RARB: variants seen among roughly 807,000 people sequenced by gnomAD.
The protein encoded by RARB is retinoic acid receptor beta, also known as HBV-activated protein.
A neutral mutation model predicts 51.9 loss-of-function variants in RARB; 17 were observed. The ratio of observed to expected loss-of-function variants is 0.33; its 90% CI spans 0.22 to 0.49. RARB has a LOEUF of 0.49. Ranked by LOEUF, RARB falls within the 20% of genes least tolerant of loss-of-function variation. The pLI, the probability that RARB is intolerant of heterozygous loss-of-function variation, is 0.99. For missense variants in RARB, 369 were observed against 550.8 expected, an observed-to-expected ratio of 0.67 and a Z score of 3.30; for synonymous variants, 215 against 195.4, an observed-to-expected ratio of 1.10 and a Z score of -0.84.
intron 1 of RARB, among the ~76,000 whole-genome samples, chr3:25,447,744 G>C (rs1273713733): frequency 6.6e-6 from 1 of 152,160 alleles, no homozygotes; most frequent in Non-Finnish European, 1.5e-5. Context: ...ATTAATGCCT[G>C]TGGGCCTGGG....
At chr3:25,062,239 G>A (rs1243898182) in intron 3 of RARB, among the ~76,000 whole-genome samples, 1 of 151,774 alleles carries the variant, frequency 6.6e-6, no homozygotes, top group Non-Finnish European at 1.5e-5. Flanking sequence ...AATGAAAAAA[G>A]TGTTCAAGCA....
At chr3:25,493,439 C>A (rs1384755269) in intron 2 of RARB, among the ~76,000 whole-genome samples, 1 of 152,172 alleles carries the variant, frequency 6.6e-6, no homozygotes, top group African/African-American at 2.4e-5. Flanking sequence ...CTCCTACTGG[C>A]AGCATTTACT....
At chr3:25,117,727 G>A (rs541348361) in intron 3 of RARB, among the ~76,000 whole-genome samples, 38 of 152,254 alleles carry the variant, frequency 2.5e-4, no homozygotes, top group African/African-American at 8.9e-4. Context: ...GAAGAAGGAA[G>A]AGCAGAGGAT....
At chr3:25,234,977 G>C (rs1045141701) in intron 5 of RARB, among the ~76,000 whole-genome samples, 2 of 152,016 alleles carry the variant, frequency 1.3e-5, no homozygotes, top group African/African-American at 4.8e-5. Context: ...AAAAAAGGAG[G>C]GAGAAATAAA....
chr3:24,962,326 G>C (rs1399323479), intron 2 of RARB, among the ~76,000 whole-genome samples: 2 of 152,092 alleles, frequency 1.3e-5, no homozygotes, highest in Non-Finnish European at 2.9e-5. Context: ...GATTGCTGCG[G>C]GCTGTCCCAT....
intron 3 of RARB, among the ~76,000 whole-genome samples, chr3:25,129,613 G>A (rs1038419752): frequency 2.0e-5 from 3 of 151,906 alleles, no homozygotes; most frequent in African/African-American, 7.3e-5. Context: ...TAAAATATCA[G>A]AGTATGACTC....
intron 5 of RARB, among the ~76,000 whole-genome samples, chr3:25,216,311 T>C (rs1326426678): frequency 1.3e-5 from 2 of 152,204 alleles, no homozygotes; most frequent in Non-Finnish European, 2.9e-5. Flanking sequence ...TGTATATCCA[T>C]AAACACTAAA....
intron 5 of RARB, chr3:25,346,042 C>T (rs1415917942): frequency 2.2e-5 from 5 of 226,122 alleles, no homozygotes; most frequent in Non-Finnish European, 3.7e-5. Context: ...TGGGTTCACT[C>T]ATGCATCTGT....
At chr3:25,137,471 C>T (rs1383963506) in intron 4 of RARB, among the ~76,000 whole-genome samples, 1 of 152,080 alleles carries the variant, frequency 6.6e-6, no homozygotes, top group East Asian at 1.9e-4. Context: ...CAATATTTTA[C>T]AGTAACTTAC....
intron 2 of RARB, among the ~76,000 whole-genome samples, chr3:24,908,124 T>C (rs1369153158): frequency 4.6e-5 from 7 of 152,180 alleles, no homozygotes; most frequent in Non-Finnish European, 1.0e-4. Flanking sequence ...TGTATAGTAG[T>C]ACAGCATGTT....
At chr3:25,136,961 C>T (rs561755376) in intron 4 of RARB, among the ~76,000 whole-genome samples, 1 of 152,028 alleles carries the variant, frequency 6.6e-6, no homozygotes, top group African/African-American at 2.4e-5. Context: ...CAGAATGGCC[C>T]ATGATTTGAG....
chr3:25,476,002 A>G (rs1025350947), intron 2 of RARB, among the ~76,000 whole-genome samples: 2 of 152,194 alleles, frequency 1.3e-5, no homozygotes, highest in Non-Finnish European at 2.9e-5. Flanking sequence ...ACCTTCACTC[A>G]AGGACCAAGA....
At chr3:25,081,934 G>A (rs932246940) in intron 3 of RARB, among the ~76,000 whole-genome samples, 3 of 151,438 alleles carry the variant, frequency 2.0e-5, no homozygotes, top group Admixed American at 6.6e-5. Flanking sequence ...TGCCCGGCCT[G>A]CTTCATATAT....
At chr3:25,561,260 G>T (rs73149401) in intron 3 of RARB, among the ~76,000 whole-genome samples, 4,171 of 151,556 alleles carry the variant, frequency 0.028, 191 homozygotes, top group African/African-American at 0.097. Context: ...ATGACCAATT[G>T]TTTTCTTTCT....
At chr3:24,984,288 T>C in intron 2 of RARB, among the ~76,000 whole-genome samples, 1 of 152,172 alleles carries the variant, frequency 6.6e-6, no homozygotes, top group East Asian at 1.9e-4. Context: ...CATAAAACTA[T>C]ATTAGATACT....
intron 3 of RARB, among the ~76,000 whole-genome samples, chr3:25,546,627 GA>G (rs574646925): frequency 4.0e-5 from 6 of 149,988 alleles, no homozygotes; most frequent in East Asian, 3.9e-4. Flanking sequence ...CTTTTGAATG[GA>G]AAAAAAAAGA....
chr3:25,480,023 A>G (rs193249565), intron 2 of RARB, among the ~76,000 whole-genome samples: 7 of 152,326 alleles, frequency 4.6e-5, no homozygotes, highest in Admixed American at 3.9e-4. Context: ...TTCACAACAG[A>G]CTCAATTTTG....
intron 2 of RARB, among the ~76,000 whole-genome samples, chr3:24,946,640 A>C (rs954439922): frequency 6.6e-6 from 1 of 152,118 alleles, no homozygotes; most frequent in Non-Finnish European, 1.5e-5. Flanking sequence ...AGGCTGAGGC[A>C]GGAGGATTAC....
At chr3:25,315,943 A>G (rs1704413267) in intron 5 of RARB, among the ~76,000 whole-genome samples, 1 of 152,086 alleles carries the variant, frequency 6.6e-6, no homozygotes, top group Non-Finnish European at 1.5e-5. Context: ...TCACCATACC[A>G]TTTAGTTTTC....
Sources: allele counts gnomAD v4.1 joint callset (sites outside exome capture counted in the v4.1 genomes callset), GRCh38; gene constraint gnomAD v4.1.1; transcripts MANE v1.5; gene names NCBI Gene and HGNC (gene_info 2026-07-23, HGNC 2026-07-21).